RSF1: variants seen among roughly 807,000 people sequenced by gnomAD.
RSF1 encodes HBV pX-associated protein 8.
RSF1 carries 13 observed loss-of-function variants against 145.2 expected under a neutral mutation model. The observed-to-expected ratio is 0.09, with a 90% confidence interval of 0.06 to 0.14. The LOEUF is 0.14. Ranked by LOEUF, RSF1 falls within the 10% of genes least tolerant of loss-of-function variation. RSF1 has a pLI of 1.00. For synonymous variants in RSF1, 577 were observed against 592.6 expected (o/e 0.97, Z 0.38); for missense variants, 1,517 against 1,718.2 (o/e 0.88, Z 2.07).
intron 4 of RSF1, among the ~76,000 whole-genome samples, chr11:77,735,219 G>A (rs939773645): frequency 7.2e-5 from 11 of 152,116 alleles, no homozygotes; most frequent in African/African-American, 4.8e-5. Context: ...GACGACTCTC[G>A]GCAAAGAACG....
intron 2 of RSF1, among the ~76,000 whole-genome samples, chr11:77,757,827 G>C (rs1218239517): frequency 2.6e-5 from 4 of 152,214 alleles, no homozygotes; most frequent in Non-Finnish European, 5.9e-5. Context: ...CGCTGTGGCA[G>C]AGGATATTCA....
intron 14 of RSF1, among the ~76,000 whole-genome samples, chr11:77,673,498 A>AAT (rs1959609836): frequency 6.6e-6 from 1 of 152,222 alleles, no homozygotes; most frequent in South Asian, 2.1e-4. Flanking sequence ...ATGGAGCCTA[A>AAT]ATAGTGATGG....
Position 77,700,721 on chromosome 11 carries a change from C to T in RSF1, c.2508G>A (p.Lys836=), listed in dbSNP as rs747124481. 1.9e-5 allele frequency: 30 copies of T among 1,561,866 alleles called. No homozygotes were observed. The highest frequency in any genetic ancestry group is 1.7e-4 in the Middle Eastern group (1 of 5,810). Residue 836 remains lysine (K), a splice_region_variant and synonymous_variant, in exon 6 of 16, where the codon AAG becomes AAA. Transcript: ENST00000308488. ...SEKDTNSKVS[K]VKPKGKVRWT... ...TAATTAAAGTTAAGACAAGTTTTACCTTGCTTACTTTAGAATTTGTATCTT... is the reference window on the plus strand; with the variant it reads ...TAATTAAAGTTAAGACAAGTTTTACTTTGCTTACTTTAGAATTTGTATCTT...
the RSF1 span, among the ~76,000 whole-genome samples, chr11:77,858,302 C>CTTTTTTTTTTTTT: frequency 1.9e-4 from 13 of 69,356 alleles, no homozygotes; most frequent in African/African-American, 3.1e-4. Context: ...TTAAGCAATT[C>CTTTTTTTTTTTTT]TTTTTTTTTT....
chr11:77,682,929 A>C (rs1225852752), intron 11 of RSF1, among the ~76,000 whole-genome samples: 2 of 152,210 alleles, frequency 1.3e-5, no homozygotes, highest in African/African-American at 4.8e-5. Context: ...GTAAGGGAGA[A>C]TGTGATAAGA....
the RSF1 span, among the ~76,000 whole-genome samples, chr11:77,861,960 G>C: frequency 6.6e-6 from 1 of 152,230 alleles, no homozygotes; most frequent in Non-Finnish European, 1.5e-5. Context: ...CTTCAGTACA[G>C]TCAGGTGACA....
At chr11:77,737,238 G>A (rs942806482) in intron 4 of RSF1, among the ~76,000 whole-genome samples, 6 of 151,976 alleles carry the variant, frequency 3.9e-5, no homozygotes, top group East Asian at 1.9e-4. Context: ...GCTTGTGCTC[G>A]GGAGTTCGAT....
chr11:77,690,022 C>T (rs761612548), intron 9 of RSF1, among the ~76,000 whole-genome samples: 56 of 151,908 alleles, frequency 3.7e-4, no homozygotes, highest in Non-Finnish European at 6.6e-4. Flanking sequence ...ATTAGCCAGG[C>T]GTGGTGGCGG....
intron 8 of RSF1, among the ~76,000 whole-genome samples, chr11:77,691,994 G>T (rs1045769238): frequency 1.3e-5 from 2 of 152,062 alleles, no homozygotes; most frequent in African/African-American, 4.8e-5. Flanking sequence ...AGGTTCAAGC[G>T]ATTCTGGTGC....
chr11:77,829,154 G>T, the RSF1 span, among the ~76,000 whole-genome samples: 1 of 152,070 alleles, frequency 6.6e-6, no homozygotes, highest in African/African-American at 2.4e-5. Flanking sequence ...TAATGTGATA[G>T]AACTGGTAAT....
At chr11:77,713,586 AT>A (rs1455280915) in intron 5 of RSF1, among the ~76,000 whole-genome samples, 3 of 152,172 alleles carry the variant, frequency 2.0e-5, no homozygotes, top group Non-Finnish European at 4.4e-5. Context: ...GTCTTTAGTT[AT>A]TTATCTGTCC....
In RSF1 at chr11:77,664,833, G is replaced by C. The variant is rs1959322178; in HGVS notation, c.*2084C>G. On this transcript the variant is annotated 3_prime_UTR_variant, in exon 16 of 16. Coordinates refer to ENST00000308488, the MANE Select transcript of RSF1 (RefSeq NM_016578.4). ...GAAAGGAGACTGTTAAGTAAATGTA[G>C]CTCCTTACACAGCCCTGCTTTACTG... 6.6e-6 allele frequency: 1 copy of C among 152,202 alleles called. No homozygotes were observed. The highest frequency in any genetic ancestry group is 6.5e-5 in the Admixed American group (1 of 15,272). 9.4% of individuals were successfully genotyped at this position (152,202 alleles called of 1,614,324 possible).
At chr11:77,790,300 A>G (rs1400249151) in intron 1 of RSF1, among the ~76,000 whole-genome samples, 1 of 152,134 alleles carries the variant, frequency 6.6e-6, no homozygotes, top group African/African-American at 2.4e-5. Flanking sequence ...CCCTTAAAAT[A>G]ACTATCAACT....
At chr11:77,818,288 A>G (rs2135994881) in intron 1 of RSF1, among the ~76,000 whole-genome samples, 1 of 152,322 alleles carries the variant, frequency 6.6e-6, no homozygotes, top group East Asian at 1.9e-4. Flanking sequence ...AAGCAATCTC[A>G]TATACTACCC....
At position 77,746,221 on chromosome 11, in the gene RSF1, T is replaced by C. The variant is rs575379015; in HGVS notation, c.372+815A>G. ...TGGTCTAGAGACAGATGAACCTGCA[T>C]GATTGTACACCCTGAAATCTGAGCT... On this transcript the variant is annotated intron_variant, in intron 3 of 15. Transcript: ENST00000308488. 3.3e-5 allele frequency among the ~76,000 whole-genome samples: 5 copies of C among 152,246 alleles called. No homozygotes were observed. In the East Asian group the frequency reaches 9.7e-4, roughly 29 times the overall value.
upstream of RSF1, among the ~76,000 whole-genome samples, chr11:77,821,928 G>A (rs1250074185): frequency 6.6e-6 from 1 of 152,064 alleles, no homozygotes; most frequent in African/African-American, 2.4e-5. Flanking sequence ...CTTAGAGTGG[G>A]GTGATAATAG....
chr11:77,866,818 C>A, the RSF1 span: 60,633 of 151,842 alleles, frequency 0.4, 12,692 homozygotes, highest in African/African-American at 0.51. Context: ...TCATATTCAT[C>A]CTCCCCATAC....
At chr11:77,738,157 T>TAGTTAAAA (rs112041985) in intron 4 of RSF1, among the ~76,000 whole-genome samples, 25,785 of 151,918 alleles carry the variant, frequency 0.17, 2,657 homozygotes, top group African/African-American at 0.27. Context: ...GAAAAGCGAA[T>TAGTTAAAA]AGTTAAAAAG....
intron 1 of RSF1, among the ~76,000 whole-genome samples, chr11:77,815,767 T>C (rs1258167420): frequency 6.6e-6 from 1 of 152,206 alleles, no homozygotes; most frequent in Non-Finnish European, 1.5e-5. Flanking sequence ...ATCCCCACAA[T>C]ATTTACTGTA....
Sources: gnomAD v4.1 joint callset for allele counts (sites outside exome capture counted in the v4.1 genomes callset) on GRCh38, gnomAD v4.1.1 for gene constraint, MANE v1.5 for transcripts, NCBI Gene and HGNC (gene_info 2026-07-23, HGNC 2026-07-21) for gene names.